The following SAMM50 variants were observed in gnomAD, a reference collection of about 807,000 sequenced individuals.
SAMM50 encodes the protein SAMM50 sorting and assembly machinery component.
SAMM50 carries 47 observed loss-of-function variants against 66.9 expected under a neutral mutation model. The observed-to-expected ratio is 0.70, with a 90% confidence interval of 0.56 to 0.90. The LOEUF is 0.90. Among genes scored for constraint, SAMM50 ranks in the 40% least tolerant of loss-of-function variants. The probability of loss-of-function intolerance (pLI) is 0.00; values close to 1 mark genes in which losing one functional copy is unlikely to be tolerated. For synonymous variants in SAMM50, 191 were observed against 214.1 expected, an observed-to-expected ratio of 0.89 and a Z score of 0.94; for missense variants, 535 against 595.3, an observed-to-expected ratio of 0.90 and a Z score of 1.05.
intron 14 of SAMM50, among the ~76,000 whole-genome samples, chr22:43,993,058 G>A (rs1052419712): frequency 6.6e-5 from 10 of 152,380 alleles, no homozygotes; most frequent in African/African-American, 2.4e-4. Context: ...GCAGTTGGGA[G>A]TGTTGGGCTC....
intron 3 of SAMM50, among the ~76,000 whole-genome samples, chr22:43,968,344 G>GA (rs937555944): frequency 4.0e-4 from 59 of 148,992 alleles, no homozygotes; most frequent in African/African-American, 9.3e-4. Context: ...AGGGAGAGCT[G>GA]AAAAAAAAAA....
intron 1 of SAMM50, 61 bp from the exon 2 acceptor site, chr22:43,963,225 A>T: frequency 2.0e-6 from 2 of 1,003,360 alleles, no homozygotes; most frequent in South Asian, 1.6e-5. Context: ...CAAAACTCAA[A>T]GGTAAGTGTG....
rs1293263926 is a variant in SAMM50, at chr22:43,983,680, A to G, written c.1008-253A>G. The stretch of plus-strand genomic sequence containing the variant: ...ACAGTTTGCCCTGCCCCTCTCTCCT[A>G]GTGTGTTTCTTGGCATCTTGTGTCT... On this transcript the variant is annotated intron_variant, in intron 11 of 14. Transcript: ENST00000350028. This position sits in a 1 kb window ranked among gnomAD's most constrained non-coding sequence, Gnocchi z 4.2. 6.6e-6 allele frequency among the ~76,000 whole-genome samples: 1 copy of G among 152,032 alleles called. No homozygotes were observed. The highest frequency in any genetic ancestry group is 1.9e-4 in the East Asian group (1 of 5,180).
intron 10 of SAMM50, among the ~76,000 whole-genome samples, chr22:43,979,072 C>A (rs1364784159): frequency 2.0e-5 from 3 of 152,184 alleles, no homozygotes. Flanking sequence ...CCTGTTCTCA[C>A]TTTATCTCTC....
chr22:43,983,836 C>T lies in SAMM50; in HGVS notation c.1008-97C>T, dbSNP rs931579984. The T allele has an allele frequency of 6.1e-6, 5 of 819,462 alleles. No individual in the cohort carries two copies. Among genetic ancestry groups the T allele is most frequent in the African/African-American group, 1.8e-5 (1 of 56,340 alleles). The allele number at this position is 819,462 out of a possible 1,614,324, so 50.8% of individuals were successfully genotyped here. ...AAAAATGCTGTCGATAATCTAGTAT[C>T]GAATGTGAGTCTGACATGTGTTTCC... On this transcript the variant is annotated intron_variant, in intron 11 of 14. Transcript: ENST00000350028. The surrounding 1 kb of genome is among the most constrained non-coding windows in gnomAD (Gnocchi z 4.2).
chr22:43,981,163 T>C (rs2146821520), intron 10 of SAMM50, among the ~76,000 whole-genome samples: 1 of 152,328 alleles, frequency 6.6e-6, no homozygotes, highest in South Asian at 2.1e-4. Flanking sequence ...TCGCCTTCGG[T>C]GTGTCTTGAT....
chr22:43,982,310 G>A (rs2146822335), intron 11 of SAMM50, among the ~76,000 whole-genome samples: 1 of 152,312 alleles, frequency 6.6e-6, no homozygotes, highest in South Asian at 2.1e-4. Context: ...CTGATGAATA[G>A]CAAAGAATTT....
intron 14 of SAMM50, among the ~76,000 whole-genome samples, chr22:43,994,567 A>T (rs970605842): frequency 1.3e-5 from 2 of 152,184 alleles, no homozygotes; most frequent in African/African-American, 4.8e-5. Context: ...CAAGTTCGTC[A>T]GAAGCCTTTG....
rs1314699831 is a variant in SAMM50 at position 43,973,312 on chromosome 22, G to A, written c.637G>A (p.Ala213Thr). ...GCGGGAGACGGACAGAGGAATGTCA[G>A]CTGAGTACAGTGTGAGTAGCATTTC... ...SLRETDRGMS[A>T]EYSFPIWKTS... The change falls in exon 7 of 15, where the codon GCT becomes ACT. Residue 213 changes from alanine (A) to threonine (T), a missense_variant. Transcript: ENST00000350028. 6.3e-7 allele frequency: 1 copy of A among 1,591,512 alleles called. No individual in the cohort carries two copies. The highest frequency in any genetic ancestry group is 8.6e-7 in the Non-Finnish European group (1 of 1,159,410).
intron 1 of SAMM50, among the ~76,000 whole-genome samples, chr22:43,960,678 G>A (rs2050143299): frequency 2.0e-5 from 3 of 152,094 alleles, no homozygotes; most frequent in South Asian, 2.1e-4. Context: ...GCAGTGAGCC[G>A]AGATTGCGCC....
intron 1 of SAMM50, chr22:43,957,056 T>C: frequency 9.8e-7 from 1 of 1,025,194 alleles, no homozygotes; most frequent in Non-Finnish European, 1.5e-6. Flanking sequence ...CCAAGGCCAT[T>C]TTTGCTGGCT....
At chr22:43,966,421 G>A (rs928075687) in intron 3 of SAMM50, among the ~76,000 whole-genome samples, 1 of 151,842 alleles carries the variant, frequency 6.6e-6, no homozygotes, top group Non-Finnish European at 1.5e-5. Flanking sequence ...GCAATGGCGC[G>A]ATCTTGGCTC....
At chr22:43,967,268 G>A (rs1231870525) in intron 3 of SAMM50, among the ~76,000 whole-genome samples, 1 of 152,158 alleles carries the variant, frequency 6.6e-6, no homozygotes, top group Non-Finnish European at 1.5e-5. Flanking sequence ...TGCAACTGCC[G>A]ACTCATCGTT....
rs143559079 is a variant in SAMM50 at position 43,968,756 on chromosome 22, G to A, written c.260G>A (p.Arg87His). Residue 87 changes from arginine to histidine, a missense_variant, in exon 4 of 15, where the codon CGT (arginine) becomes CAT (histidine). Arg to His is a conservative substitution (Grantham distance 29). Coordinates refer to ENST00000350028, the MANE Select transcript of SAMM50 (RefSeq NM_015380.5). The stretch of plus-strand genomic sequence containing the variant: ...GTAATGCGGAAATCTCATGAAGCCC[G>A]TGAAAAATTGCTCCGTCTTGGAATT... Reference protein sequence around the residue: ...IEVMRKSHEAREKLLRLGIFR... With the variant: ...IEVMRKSHEAHEKLLRLGIFR... 17 of 1,612,664 alleles carry A rather than the reference G, an allele frequency of 1.1e-5. No homozygotes were observed. Among genetic ancestry groups the A allele is most frequent in the African/African-American group, 8.0e-5 (6 of 74,880 alleles).
intron 14 of SAMM50, 91 bp downstream of exon 14, chr22:43,990,497 TAAGC>T (rs1171737097): frequency 8.0e-7 from 1 of 1,252,378 alleles, no homozygotes; most frequent in African/African-American, 1.5e-5. Flanking sequence ...TAGTGGCTTT[TAAGC>T]TTGAAGATTT....
intron 1 of SAMM50, chr22:43,957,117 G>C: frequency 1.1e-6 from 1 of 869,860 alleles, no homozygotes. Context: ...TCTTAAAATT[G>C]AAGGTGTTTA....
Position 43,973,019 on chromosome 22 carries a change from T to A in SAMM50, c.560+18T>A, listed in dbSNP as rs1172133908. On this transcript the variant is annotated intron_variant, in intron 6 of 14. Coordinates refer to ENST00000350028, the MANE Select transcript of SAMM50 (RefSeq NM_015380.5). ...GAAAGAAAGTAGGAAGCCCAACAGA[T>A]CATTGAGTACACTGGCCTGATAGAA... 1 of 1,586,282 alleles carries A rather than the reference T, an allele frequency of 6.3e-7. No homozygotes were observed. Among genetic ancestry groups the A allele is most frequent in the East Asian group, 2.2e-5 (1 of 44,762 alleles).
chr22:43,976,969 T>A, intron 9 of SAMM50, 148 bp downstream of exon 9: 1 of 573,514 alleles, frequency 1.7e-6, no homozygotes. Flanking sequence ...GGTCGCCAGC[T>A]CCACTCTCAG....
intron 14 of SAMM50, among the ~76,000 whole-genome samples, chr22:43,994,954 T>G (rs190746855): frequency 3.9e-5 from 6 of 152,342 alleles, no homozygotes; most frequent in Non-Finnish European, 4.4e-5. Context: ...ACTTCCTTTT[T>G]AGCTCCTAGC....
Sources: allele counts gnomAD v4.1 joint callset (sites outside exome capture counted in the v4.1 genomes callset), GRCh38; gene constraint gnomAD v4.1.1; non-coding constraint Gnocchi (gnomAD v3.1); transcripts MANE v1.5; gene names NCBI Gene and HGNC (gene_info 2026-07-23, HGNC 2026-07-21).